PHF3: variants seen among roughly 807,000 people sequenced by gnomAD.
PHF3 encodes PHD finger protein 3.
Under a neutral mutation model 178.4 loss-of-function variants are expected in PHF3, and 41 were observed. The observed-to-expected ratio is 0.23, with a 90% confidence interval of 0.18 to 0.30. PHF3 has a LOEUF of 0.30. PHF3 is among the 10% of genes least tolerant of loss of function. PHF3 has a pLI of 1.00. For synonymous variants in PHF3, 842 were observed against 800.5 expected, an observed-to-expected ratio of 1.05 and a Z score of -0.88; for missense variants, 2,346 against 2,398.1, an observed-to-expected ratio of 0.98 and a Z score of 0.45.
chr6:63,707,847 G>GTTTGTTTTCGTTTTTGTT (rs1554111507), intron 13 of PHF3, among the ~76,000 whole-genome samples: 7 of 148,074 alleles, frequency 4.7e-5, no homozygotes, highest in Admixed American at 4.7e-4. Flanking sequence ...GCAGTTGTGG[G>GTTTGTTTTCGTTTTTGTT]TTTGTTTTTG....
chr6:63,711,324 A>G lies in PHF3; in HGVS notation c.3959A>G (p.Asp1320Gly). ...TACCTTATTCCTTTGGGTGCCACAG[A>G]TAAAATTCCACACCCTCTTGTGCCT... The part of the protein sequence containing the change: ...DMYLIPLGAT[D>G]KIPHPLVPFD... The change falls in exon 15 of 16, where the codon GAT becomes GGT. Residue 1320 changes from aspartate to glycine, a missense_variant. Physicochemically the swap from Asp to Gly is moderately conservative, Grantham distance 94 (BLOSUM62 -1). Around this residue, in one of 8 missense-constraint regions of PHF3, gnomAD observed 90 missense variants for 136.6 expected, o/e 0.66. Transcript: ENST00000262043. 6.2e-7 allele frequency: 1 copy of G among 1,612,952 alleles called. No homozygotes were observed. The highest frequency in any genetic ancestry group is 1.1e-5 in the South Asian group (1 of 90,856).
chr6:63,675,974 CCTT>C (rs1311248151), intron 2 of PHF3, among the ~76,000 whole-genome samples: 1 of 152,192 alleles, frequency 6.6e-6, no homozygotes, highest in Admixed American at 6.5e-5. Flanking sequence ...TAGCAGTTAA[CCTT>C]CCTGATTCCC....
chr6:63,672,336 T>C (rs1396532990), intron 2 of PHF3, among the ~76,000 whole-genome samples: 1 of 152,184 alleles, frequency 6.6e-6, no homozygotes, highest in Admixed American at 6.5e-5. Context: ...ATTAACAGAG[T>C]GTATACTTTA....
chr6:63,652,954 T>A (rs1246416385), intron 2 of PHF3, among the ~76,000 whole-genome samples: 1 of 151,796 alleles, frequency 6.6e-6, no homozygotes, highest in Non-Finnish European at 1.5e-5. Context: ...TATTTTGAAG[T>A]CCAGTAGTGT....
intron 6 of PHF3, among the ~76,000 whole-genome samples, chr6:63,696,402 C>T (rs1391941433): frequency 6.6e-6 from 1 of 152,166 alleles, no homozygotes; most frequent in Non-Finnish European, 1.5e-5. Flanking sequence ...TCACTACAGC[C>T]TTGAACTCCT....
intron 2 of PHF3, among the ~76,000 whole-genome samples, chr6:63,662,362 C>A (rs959605204): frequency 6.6e-6 from 1 of 152,106 alleles, no homozygotes; most frequent in Non-Finnish European, 1.5e-5. Flanking sequence ...TGTTTTATAG[C>A]CCACATTTAA....
intron 1 of PHF3, among the ~76,000 whole-genome samples, chr6:63,645,252 TAC>T (rs1764735760): frequency 6.6e-6 from 1 of 152,108 alleles, no homozygotes; most frequent in Non-Finnish European, 1.5e-5. Flanking sequence ...GGGTAACACT[TAC>T]TAATGGGTAT....
At position 63,723,125 on chromosome 6, in the gene PHF3, C is replaced by A. The variant is rs1354267303; in HGVS notation, c.*9417C>A. 6.6e-6 allele frequency among the ~76,000 whole-genome samples: 1 copy of A among 152,102 alleles called. No individual in the cohort carries two copies. The highest frequency in any genetic ancestry group is 2.4e-5 in the African/African-American group (1 of 41,422). On this transcript the variant is annotated 3_prime_UTR_variant, in exon 16 of 16. Transcript: ENST00000262043. ...TGGGTTGAGATGACTCAGAATATTT[C>A]TCAAATAATAGTTTTAGCTTGAAAG...
At chr6:63,696,619 C>T (rs1266302542) in intron 6 of PHF3, among the ~76,000 whole-genome samples, 1 of 152,160 alleles carries the variant, frequency 6.6e-6, no homozygotes, top group Non-Finnish European at 1.5e-5. Context: ...TGAACCTGGC[C>T]ATCAGCATTT....
Position 63,713,544 on chromosome 6 carries a change from A to G in PHF3, c.5956A>G (p.Ser1986Gly). ...TGATCGAGGAACAGATGGAAAAGCA[A>G]GCAGAGATAGTAGGAATGTAGACAA... ...HGDRGTDGKA[S>G]RDSRNVDKKP... The change falls in exon 16 of 16, where the codon AGC (serine) becomes GGC (glycine). Residue 1986 changes from serine (S) to glycine (G), a missense_variant. Transcript: ENST00000262043. 2 of 1,613,616 alleles carry G rather than the reference A, an allele frequency of 1.2e-6. No individual in the cohort carries two copies. The highest frequency in any genetic ancestry group is 1.7e-6 in the Non-Finnish European group (2 of 1,179,812).
Position 63,698,517 on chromosome 6 carries a change from A to G in PHF3, c.2894A>G (p.Glu965Gly). 1 of 1,604,262 alleles carries G rather than the reference A, an allele frequency of 6.2e-7. No homozygotes were observed. The highest frequency in any genetic ancestry group is 8.5e-7 in the Non-Finnish European group (1 of 1,176,560). ...AAAGTTGCCACAAAAATTGAGAAAG[A>G]GCTTTTCTCTTTTTTTCGGGACACA... ...AAKVATKIEKELFSFFRDTDA... is the reference protein window; with the variant it reads ...AAKVATKIEKGLFSFFRDTDA... The change falls in exon 8 of 16, where the codon GAG becomes GGG. Residue 965 changes from glutamate (E) to glycine (G), a missense_variant. Transcript: ENST00000262043.
chr6:63,674,169 A>C (rs1766048140), intron 2 of PHF3, among the ~76,000 whole-genome samples: 1 of 151,738 alleles, frequency 6.6e-6, no homozygotes, highest in Non-Finnish European at 1.5e-5. Context: ...GTTTCTTTTA[A>C]AAATCTGAAA....
intron 2 of PHF3, among the ~76,000 whole-genome samples, chr6:63,665,951 T>C (rs550986569): frequency 6.6e-6 from 1 of 152,216 alleles, no homozygotes; most frequent in Non-Finnish European, 1.5e-5. Flanking sequence ...TCAGTATCCT[T>C]CCTTTTGGAT....
chr6:63,720,598 A>C lies in PHF3; in HGVS notation c.*6890A>C, dbSNP rs1348024945. 2.0e-6 allele frequency: 3 copies of C among 1,470,844 alleles called. No homozygotes were observed. The highest frequency in any genetic ancestry group is 2.8e-5 in the African/African-American group (2 of 70,244). The allele number at this position is 1,470,844 out of a possible 1,614,324, so 91.1% of individuals were successfully genotyped here. On this transcript the variant is annotated 3_prime_UTR_variant, in exon 16 of 16. Transcript: ENST00000262043. ...GTACTAAAATCTCTAGTGTTAACTT[A>C]TGTAACCTCATTTTGTTCATCTCCA...
chr6:63,713,333 G>T lies in PHF3; in HGVS notation c.5745G>T (p.Arg1915Ser). The T allele has an allele frequency of 1.2e-6, 2 of 1,613,988 alleles. No individual in the cohort carries two copies. The highest frequency in any genetic ancestry group is 1.7e-6 in the Non-Finnish European group (2 of 1,179,966). ...AGCAACTGGATAGGCCATTTAATAG[G>T]GGTAAAGGGGACCGCCAGAGATTTT... Reference protein sequence around the residue: ...DQQQLDRPFNRGKGDRQRFYS... With the variant: ...DQQQLDRPFNSGKGDRQRFYS... The change falls in exon 16 of 16, where the codon AGG (arginine) becomes AGT (serine). Residue 1915 changes from arginine (R) to serine (S), a missense_variant. Physicochemically the swap from Arg to Ser is moderately radical, Grantham distance 110. Transcript: ENST00000262043.
rs757788860 is a variant in PHF3 at position 63,694,723 on chromosome 6, C to G, written c.2639C>G (p.Ser880Cys). Residue 880 changes from serine to cysteine, a missense_variant, in exon 6 of 16, where the codon TCT becomes TGT. Around this residue, in one of 8 missense-constraint regions of PHF3, gnomAD observed 252 missense variants for 232.0 expected, o/e 1.09. Transcript: ENST00000262043. ...EEKSEKIPKE[S>C]TTVTCTGEKA... Reference sequence around the variant, plus strand: ...AAAAGTGAAAAAATACCGAAAGAGTCTACAACTGTTACTTGCACAGGAGAA... The same window carrying G: ...AAAAGTGAAAAAATACCGAAAGAGTGTACAACTGTTACTTGCACAGGAGAA... The G allele has an allele frequency of 6.3e-7, 1 of 1,578,022 alleles. No homozygotes were observed. Among genetic ancestry groups the G allele is most frequent in the African/African-American group, 1.4e-5 (1 of 73,374 alleles).
intron 2 of PHF3, among the ~76,000 whole-genome samples, chr6:63,654,889 C>CTTTTTT (rs34787470): frequency 2.1e-5 from 2 of 94,788 alleles, no homozygotes; most frequent in Admixed American, 1.3e-4. Context: ...ATTAGGTGAC[C>CTTTTTT]TTTTTTTTTT....
Position 63,712,546 on chromosome 6 carries a change from G to C in PHF3, c.4958G>C (p.Arg1653Thr). The stretch of plus-strand genomic sequence containing the variant: ...TTTATCAACCTGAAAAGGGATCCTA[G>C]GCAAGCAGCAGGACGAAGTCAGCCT... ...PQFINLKRDP[R>T]QAAGRSQPVT... is the part of the protein sequence containing the mutation. The change falls in exon 16 of 16, where the codon AGG becomes ACG. Residue 1653 changes from arginine (R) to threonine (T), a missense_variant. Around this residue, in one of 8 missense-constraint regions of PHF3, gnomAD observed 839 missense variants for 806.9 expected, o/e 1.04. Transcript: ENST00000262043. 3 of 1,613,698 alleles carry C rather than the reference G, an allele frequency of 1.9e-6. No individual in the cohort carries two copies. The highest frequency in any genetic ancestry group is 1.7e-6 in the Non-Finnish European group (2 of 1,179,838).
chr6:63,668,191 A>G (rs543245571), intron 2 of PHF3, among the ~76,000 whole-genome samples: 1 of 152,322 alleles, frequency 6.6e-6, no homozygotes, highest in Non-Finnish European at 1.5e-5. Context: ...CTGGTTGCTT[A>G]CAGTTCCTAC....
Sources: gnomAD v4.1 joint callset for allele counts (sites outside exome capture counted in the v4.1 genomes callset) on GRCh38, gnomAD v4.1.1 for gene constraint, gnomAD v4.1.1 regional missense constraint, MANE v1.5 for transcripts, NCBI Gene and HGNC (gene_info 2026-07-23, HGNC 2026-07-21) for gene names.